The following XPO1 variants were observed in gnomAD, a reference collection of about 807,000 sequenced individuals.
The protein encoded by XPO1 is exportin 1, also known as exportin-1.
XPO1 carries 5 observed loss-of-function variants against 133.3 expected under a neutral mutation model. The ratio of observed to expected loss-of-function variants is 0.04; its 90% CI spans 0.02 to 0.08. The LOEUF (loss-of-function observed/expected upper bound fraction) is 0.08, where lower values mean the gene tolerates loss of function less well. XPO1 is among the 10% of genes least tolerant of loss of function. The pLI is 1.00. For synonymous variants in XPO1, 419 were observed against 408.2 expected, an observed-to-expected ratio of 1.03 and a Z score of -0.32; for missense variants, 506 against 1,267.5, an observed-to-expected ratio of 0.40 and a Z score of 9.12.
rs1696949095 is a variant in XPO1, at chr2:61,490,925, C to T, written c.1888-149G>A. ...ATCCCAATACTTTGAGAAGCCAAGG[C>T]AGGCCAATCACTTGTGGTCAGGAGT... is the stretch of plus-strand genomic sequence containing the variant. On this transcript the variant is annotated intron_variant, in intron 16 of 24. Coordinates refer to ENST00000401558, the MANE Select transcript of XPO1 (RefSeq NM_003400.4). 8.3e-5 allele frequency: 81 copies of T among 970,806 alleles called. 1 individual carries two copies. In the South Asian group the frequency reaches 1.3e-3, roughly 16 times the overall value. 60.1% of individuals were successfully genotyped at this position (970,806 alleles called of 1,614,324 possible).
intron 4 of XPO1, among the ~76,000 whole-genome samples, chr2:61,519,698 C>CAAAAAAAAAA (rs753424450): frequency 5.5e-5 from 4 of 72,774 alleles, no homozygotes; most frequent in African/African-American, 2.0e-4. Flanking sequence ...GACTCCGTCT[C>CAAAAAAAAAA]AAAAAAAAAA....
chr2:61,517,050 T>C (rs749242163), intron 4 of XPO1, among the ~76,000 whole-genome samples: 21 of 152,230 alleles, frequency 1.4e-4, no homozygotes, highest in Admixed American at 5.2e-4. Flanking sequence ...ATTAAAGGCA[T>C]CTGCCACCAC....
chr2:61,526,629 C>CT, intron 2 of XPO1, 108 bp from the exon 3 acceptor site: 2 of 752,088 alleles, frequency 2.7e-6, no homozygotes, highest in Non-Finnish European at 3.8e-6. Flanking sequence ...GACAGAGATT[C>CT]TATTATTGAT....
chr2:61,494,811 TAA>T (rs1697163520), intron 11 of XPO1: 1 of 148,606 alleles, frequency 6.7e-6, no homozygotes, highest in African/African-American at 2.5e-5. Flanking sequence ...TATATATACT[TAA>T]GTTTATATAT....
At chr2:61,501,047 G>A (rs1043587949) in intron 6 of XPO1, among the ~76,000 whole-genome samples, 3 of 152,010 alleles carry the variant, frequency 2.0e-5, no homozygotes, top group African/African-American at 7.3e-5. Flanking sequence ...ACACACAAGG[G>A]ATTTTTCAGA....
At position 61,498,951 on chromosome 2, in the gene XPO1, G is replaced by A. The variant is rs375750152; in HGVS notation, c.591-38C>T. The A allele has an allele frequency of 1.7e-3, 2,631 of 1,538,134 alleles. 6 individuals carry two copies. Among genetic ancestry groups the A allele is most frequent in the Non-Finnish European group, 2.1e-3 (2,447 of 1,143,798 alleles). On this transcript the variant is annotated intron_variant, in intron 7 of 24. Coordinates refer to ENST00000401558, the MANE Select transcript of XPO1 (RefSeq NM_003400.4). ...ACACACAAAAATATCAGATTTAGAAGACACAGAAATAAGTATCAGTTATCT... is the reference window on the plus strand; with the variant it reads ...ACACACAAAAATATCAGATTTAGAAAACACAGAAATAAGTATCAGTTATCT...
rs571060116 is a variant in XPO1, at chr2:61,526,534, TA to T, written c.127-14del. 4 of 1,541,738 alleles carry T rather than the reference TA, an allele frequency of 2.6e-6. No individual in the cohort carries two copies. Among genetic ancestry groups the T allele is most frequent in the East Asian group, 4.6e-5 (2 of 43,264 alleles). ...GAGCCATTCTTTGCTAAAATATTAT[TA>T]AAAAAAACAAAACTTAAGCTAATGT... On this transcript the variant is annotated splice_polypyrimidine_tract_variant and intron_variant, in intron 2 of 24. Coordinates refer to ENST00000401558, the MANE Select transcript of XPO1 (RefSeq NM_003400.4).
At chr2:61,490,966 C>G (rs752717277) in intron 16 of XPO1, among the ~76,000 whole-genome samples, 190 bp from the exon 17 acceptor site, 2 of 152,108 alleles carry the variant, frequency 1.3e-5, no homozygotes, top group Non-Finnish European at 2.9e-5. Context: ...ACCAGCCTGA[C>G]CAACGTGGTG....
At chr2:61,535,487 C>A (rs1310198068) in intron 1 of XPO1, among the ~76,000 whole-genome samples, 1 of 152,144 alleles carries the variant, frequency 6.6e-6, no homozygotes, top group Non-Finnish European at 1.5e-5. Context: ...GACAAACTAG[C>A]TTGGCAGGGC....
chr2:61,501,077 C>A (rs1362707751), intron 6 of XPO1, among the ~76,000 whole-genome samples: 1 of 152,122 alleles, frequency 6.6e-6, no homozygotes, highest in African/African-American at 2.4e-5. Context: ...TACATGTTAA[C>A]CTTCTTTATA....
chr2:61,519,721 A>AAAC (rs1558668944), intron 4 of XPO1, among the ~76,000 whole-genome samples: 5 of 148,194 alleles, frequency 3.4e-5, no homozygotes, highest in African/African-American at 1.2e-4. Context: ...AAAAAAAAAA[A>AAAC]AACACCACGT....
At chr2:61,490,346 G>A (rs993435415) in intron 17 of XPO1, among the ~76,000 whole-genome samples, 2 of 151,816 alleles carry the variant, frequency 1.3e-5, no homozygotes, top group Admixed American at 6.6e-5. Flanking sequence ...TTACAGGCAT[G>A]TGCAACCACG....
chr2:61,536,340 C>G (rs1316129270), intron 1 of XPO1: 2 of 152,212 alleles, frequency 1.3e-5, no homozygotes, highest in Non-Finnish European at 2.9e-5. Context: ...TACAATCAGA[C>G]AGCAAACAAG....
chr2:61,498,983 C>T (rs1027932138), intron 7 of XPO1, 70 bp from the exon 8 acceptor site: 25 of 1,470,512 alleles, frequency 1.7e-5, no homozygotes, highest in Non-Finnish European at 2.1e-5. Flanking sequence ...ATCTATAATA[C>T]TAATAAAAAT....
intron 17 of XPO1, among the ~76,000 whole-genome samples, chr2:61,489,487 A>G (rs894919742): frequency 2.0e-5 from 3 of 152,114 alleles, no homozygotes; most frequent in African/African-American, 7.2e-5. Flanking sequence ...CATATTTATA[A>G]TCCCAAATGG....
intron 22 of XPO1, 117 bp downstream of exon 22, chr2:61,482,840 T>G (rs751975857): frequency 4.8e-5 from 60 of 1,244,426 alleles, no homozygotes; most frequent in Non-Finnish European, 9.0e-6. Context: ...GGCCAGGCTG[T>G]TCTCGAACTC....
Position 61,493,978 on chromosome 2 carries a change from A to G in XPO1, c.1161T>C (p.Ser387=). The G allele has an allele frequency of 6.2e-7, 1 of 1,614,136 alleles. No individual in the cohort carries two copies. Among genetic ancestry groups the G allele is most frequent in the Non-Finnish European group, 8.5e-7 (1 of 1,180,008 alleles). The change falls in exon 12 of 25, where the codon TCT becomes TCC. Residue 387 remains serine, a synonymous_variant. Coordinates refer to ENST00000401558, the MANE Select transcript of XPO1 (RefSeq NM_003400.4). ...AAELYRESPF[S]TSASPLLSGS... ...CAGAAAGCAACGGAGAGGCAGATGTAGAGAATGGACTCTCTCTATAGAGTT... is the reference window on the plus strand; with the variant it reads ...CAGAAAGCAACGGAGAGGCAGATGTGGAGAATGGACTCTCTCTATAGAGTT...
intron 17 of XPO1, 150 bp downstream of exon 17, chr2:61,490,492 C>A: frequency 4.2e-6 from 5 of 1,176,710 alleles, no homozygotes; most frequent in Non-Finnish European, 5.9e-6. Context: ...AGCCACCACA[C>A]CTCGCCCAGA....
chr2:61,499,009 C>CA, intron 7 of XPO1, 96 bp from the exon 8 acceptor site: 1 of 1,357,088 alleles, frequency 7.4e-7, no homozygotes, highest in Non-Finnish European at 9.9e-7. Context: ...AAGCCCAGTA[C>CA]AGTGGCTCAT....
Sources: allele counts gnomAD v4.1 joint callset (sites outside exome capture counted in the v4.1 genomes callset), GRCh38; gene constraint gnomAD v4.1.1; transcripts MANE v1.5; gene names NCBI Gene and HGNC (gene_info 2026-07-23, HGNC 2026-07-21).